The following EXTL3 variants were observed in gnomAD, a reference collection of about 807,000 sequenced individuals.
EXTL3 encodes exostosin-like 3.
A neutral mutation model predicts 69.3 loss-of-function variants in EXTL3; 27 were observed. That is an observed-to-expected ratio of 0.39 (90% confidence interval 0.29 to 0.54). The LOEUF (loss-of-function observed/expected upper bound fraction) is 0.54. EXTL3 is among the 20% of genes least tolerant of loss of function. The pLI, the probability that EXTL3 is intolerant of heterozygous loss-of-function variation, is 0.69. For missense variants in EXTL3, 1,003 were observed against 1,231.8 expected (o/e 0.81, Z 2.78); for synonymous variants, 511 against 499.4 (o/e 1.02, Z -0.31).
chr8:28,654,266 T>G (rs1344836111), intron 1 of EXTL3, among the ~76,000 whole-genome samples: 1 of 152,234 alleles, frequency 6.6e-6, no homozygotes, highest in Non-Finnish European at 1.5e-5. Flanking sequence ...TGAGAATTAT[T>G]AAACAAGGTG....
intron 3 of EXTL3, among the ~76,000 whole-genome samples, chr8:28,721,360 C>G (rs1293433971): frequency 1.3e-5 from 2 of 152,216 alleles, no homozygotes; most frequent in East Asian, 1.9e-4. Flanking sequence ...CTGGCTTTCT[C>G]CTGTCTGGAA....
At chr8:28,676,690 A>G (rs566336488) in intron 1 of EXTL3, among the ~76,000 whole-genome samples, 1 of 152,296 alleles carries the variant, frequency 6.6e-6, no homozygotes, top group Admixed American at 6.5e-5. Flanking sequence ...GATTGAGTGC[A>G]ATGAAGCCAA....
chr8:28,668,428 T>A (rs1807233484), intron 1 of EXTL3, among the ~76,000 whole-genome samples: 1 of 143,090 alleles, frequency 7.0e-6, no homozygotes, highest in East Asian at 2.1e-4. Flanking sequence ...GCGTCCCAGG[T>A]TCAAGCAATT....
chr8:28,725,895 A>G (rs753327784), intron 3 of EXTL3, among the ~76,000 whole-genome samples: 1 of 151,496 alleles, frequency 6.6e-6, no homozygotes, highest in Non-Finnish European at 1.5e-5. Flanking sequence ...TTTATGTTCG[A>G]TCTGTCTTTT....
intron 1 of EXTL3, among the ~76,000 whole-genome samples, chr8:28,660,342 C>T (rs896706997): frequency 6.7e-5 from 10 of 149,912 alleles, no homozygotes; most frequent in East Asian, 1.9e-4. Flanking sequence ...CCAGCCCGGG[C>T]GACAGAGCAG....
At chr8:28,736,906 A>AT (rs764074060) in intron 4 of EXTL3, among the ~76,000 whole-genome samples, 11 of 152,352 alleles carry the variant, frequency 7.2e-5, no homozygotes, top group African/African-American at 1.2e-4. Flanking sequence ...AGAATCAGGC[A>AT]GTCCTTCCAC....
chr8:28,741,721 G>A (rs768360214), intron 5 of EXTL3: 2 of 152,070 alleles, frequency 1.3e-5, no homozygotes, highest in African/African-American at 2.4e-5. Context: ...CCCAAACAAA[G>A]TGTTGGGATT....
intron 1 of EXTL3, among the ~76,000 whole-genome samples, chr8:28,684,240 G>A (rs940513679): frequency 1.3e-5 from 2 of 152,118 alleles, no homozygotes; most frequent in African/African-American, 4.8e-5. Context: ...GTTAAACATG[G>A]GAGTGCAGCT....
chr8:28,627,011 T>C (rs1806501644), intron 1 of EXTL3, among the ~76,000 whole-genome samples: 1 of 150,762 alleles, frequency 6.6e-6, no homozygotes, highest in Admixed American at 6.6e-5. Context: ...TGAAACCCTG[T>C]CTCCACTAAA....
chr8:28,683,264 A>AT (rs1450619018), intron 1 of EXTL3, among the ~76,000 whole-genome samples: 1 of 151,900 alleles, frequency 6.6e-6, no homozygotes, highest in African/African-American at 2.4e-5. Flanking sequence ...CTTTAGGATT[A>AT]TTTTTTCTAT....
At chr8:28,678,970 T>G (rs1303188835) in intron 1 of EXTL3, among the ~76,000 whole-genome samples, 1 of 151,828 alleles carries the variant, frequency 6.6e-6, no homozygotes, top group Non-Finnish European at 1.5e-5. Context: ...GCTCCAACTT[T>G]CATGAGGCCT....
intron 2 of EXTL3, among the ~76,000 whole-genome samples, chr8:28,608,657 G>A (rs907770021): frequency 6.6e-6 from 1 of 151,914 alleles, no homozygotes. Flanking sequence ...GAGCTCAGGA[G>A]TTCAAGACCA....
rs1801991299 is a variant in EXTL3, at chr8:28,750,964, G to A, written c.*98G>A. On this transcript the variant is annotated 3_prime_UTR_variant, in exon 7 of 7. Transcript: ENST00000220562. The surrounding 1 kb of genome is among the most constrained non-coding windows in gnomAD (Gnocchi z 5.2). ...GGACCTTGGGCACATCTGCTGGTGGGTGGCCCAGAGCCTCTGCTGGAAGGG... is the reference window on the plus strand; with the variant it reads ...GGACCTTGGGCACATCTGCTGGTGGATGGCCCAGAGCCTCTGCTGGAAGGG... The A allele has an allele frequency of 2.9e-6, 3 of 1,049,000 alleles. No homozygotes were observed. The East Asian group carries it at 7.4e-5, about 26-fold the overall frequency. The allele number at this position is 1,049,000 out of a possible 1,614,324, so 65.0% of individuals were successfully genotyped here. A position where few individuals can be genotyped will look rare whatever the true frequency, so the allele number is the denominator to read the frequency against.
intron 3 of EXTL3, among the ~76,000 whole-genome samples, chr8:28,726,152 C>T (rs796341893): frequency 4.6e-5 from 7 of 152,172 alleles, no homozygotes; most frequent in African/African-American, 1.7e-4. Flanking sequence ...AACTGGGTTT[C>T]ACTATGTTGG....
chr8:28,723,409 C>T (rs1051412923), intron 3 of EXTL3, among the ~76,000 whole-genome samples: 1 of 152,092 alleles, frequency 6.6e-6, no homozygotes, highest in African/African-American at 2.4e-5. Context: ...CAAGGCTACC[C>T]CGAACCAAAA....
chr8:28,690,546 T>C (rs988857272), intron 1 of EXTL3, among the ~76,000 whole-genome samples: 3 of 152,112 alleles, frequency 2.0e-5, no homozygotes, highest in Non-Finnish European at 2.9e-5. Context: ...ACTTGTGTCA[T>C]GGGGGTTTGT....
intron 1 of EXTL3, among the ~76,000 whole-genome samples, chr8:28,637,633 GA>G (rs994494916): frequency 1.4e-4 from 20 of 139,834 alleles, no homozygotes; most frequent in Non-Finnish European, 1.9e-4. Flanking sequence ...CCCCATGTCT[GA>G]AAAAAAAAAC....
intron 1 of EXTL3, among the ~76,000 whole-genome samples, chr8:28,634,838 G>A (rs778933403): frequency 1.5e-4 from 23 of 151,936 alleles, no homozygotes; most frequent in Non-Finnish European, 3.1e-4. Context: ...CAAGTGATCC[G>A]CTCGCTTCGG....
chr8:28,630,582 A>T (rs1806557344), intron 1 of EXTL3, among the ~76,000 whole-genome samples: 1 of 152,244 alleles, frequency 6.6e-6, no homozygotes, highest in African/African-American at 2.4e-5. Context: ...AACCTACCAG[A>T]ATGTTACGTT....
Sources: gnomAD v4.1 joint callset for allele counts (sites outside exome capture counted in the v4.1 genomes callset) on GRCh38, gnomAD v4.1.1 for gene constraint, Gnocchi (gnomAD v3.1) non-coding constraint, MANE v1.5 for transcripts, NCBI Gene and HGNC (gene_info 2026-07-23, HGNC 2026-07-21) for gene names.